The following PADI1 variants were observed in gnomAD, a reference collection of about 807,000 sequenced individuals.
PADI1 encodes the protein peptidyl arginine deiminase 1, also known as protein-arginine deiminase type-1.
PADI1 carries 65 observed loss-of-function variants against 74.8 expected under a neutral mutation model. The observed-to-expected ratio is 0.87, with a 90% confidence interval of 0.71 to 1.07. PADI1 has a LOEUF of 1.07. Among genes scored for constraint, PADI1 ranks in the 50% least tolerant of loss-of-function variants. The probability of loss-of-function intolerance (pLI) is 0.00; values close to 1 mark genes in which losing one functional copy is unlikely to be tolerated. For synonymous variants in PADI1, 371 were observed against 336.2 expected (o/e 1.10, Z -1.13); for missense variants, 943 against 854.0 (o/e 1.10, Z -1.30).
At chr1:17,206,515 G>T (rs985778126) in intron 1 of PADI1, among the ~76,000 whole-genome samples, 1 of 152,120 alleles carries the variant, frequency 6.6e-6, no homozygotes, top group Non-Finnish European at 1.5e-5. Context: ...ATTGTCTCTT[G>T]CCCTGTTAAC....
At chr1:17,215,202 G>T (rs2071942989) in intron 1 of PADI1, among the ~76,000 whole-genome samples, 1 of 152,166 alleles carries the variant, frequency 6.6e-6, no homozygotes, top group African/African-American at 2.4e-5. Context: ...TACTCACAGG[G>T]GAGGGAGACA....
Position 17,225,885 on chromosome 1 carries a change from C to G in PADI1, c.483C>G (p.Ser161=). 6.2e-7 allele frequency: 1 copy of G among 1,613,988 alleles called. No homozygotes were observed. Among genetic ancestry groups the G allele is most frequent in the Non-Finnish European group, 8.5e-7 (1 of 1,179,992 alleles). The change falls in exon 5 of 16, where the codon TCC becomes TCG. Residue 161 remains serine, a synonymous_variant. Coordinates refer to ENST00000375471, the MANE Select transcript of PADI1 (RefSeq NM_013358.3). ...ACTGTGACCGGGACAATCACAGGTCCGCAGAGCCTGACCTCACCCACAGCT... is the reference window on the plus strand; with the variant it reads ...ACTGTGACCGGGACAATCACAGGTCGGCAGAGCCTGACCTCACCCACAGCT... ...LVNCDRDNHR[S]AEPDLTHSWL...
Position 17,213,802 on chromosome 1 carries a change from C to T in PADI1, c.93-8488C>T, listed in dbSNP as rs78353790. On this transcript the variant is annotated intron_variant, in intron 1 of 15. Transcript: ENST00000375471. ...TGAACCTGCACCTTACCACAGGAGGCGGGCAGGGGTGGAGAGTAGTTGGTT... is the reference window on the plus strand; with the variant it reads ...TGAACCTGCACCTTACCACAGGAGGTGGGCAGGGGTGGAGAGTAGTTGGTT... 2.8e-3 allele frequency among the ~76,000 whole-genome samples: 430 copies of T among 152,304 alleles called. 18 individuals carry two copies. The East Asian group carries it at 0.053, about 19-fold the overall frequency.
chr1:17,229,014 C>T lies in PADI1; in HGVS notation c.892C>T (p.Pro298Ser), dbSNP rs756645537. The T allele has an allele frequency of 3.2e-6, 5 of 1,585,940 alleles. No homozygotes were observed. The highest frequency in any genetic ancestry group is 1.1e-5 in the South Asian group (1 of 87,376). Residue 298 changes from proline (P) to serine (S), a missense_variant, in exon 8 of 16, where the codon CCC becomes TCC. Coordinates refer to ENST00000375471, the MANE Select transcript of PADI1 (RefSeq NM_013358.3). The stretch of plus-strand genomic sequence containing the variant: ...CCGCATGGCCCCCTGGATCATGACG[C>T]CCAACACTCAGCCTCCTGAGGAGCT... Reference protein sequence around the residue: ...GFRMAPWIMTPNTQPPEELYV... With the variant: ...GFRMAPWIMTSNTQPPEELYV...
At position 17,205,166 on chromosome 1, in the gene PADI1, C is replaced by T. The variant is rs115760213; in HGVS notation, c.-52C>T. 1.1e-3 allele frequency: 1,613 copies of T among 1,450,438 alleles called. 11 individuals are homozygous for T. In the African/African-American group the frequency reaches 0.018, roughly 16 times the overall value. 89.8% of individuals were successfully genotyped at this position (1,450,438 alleles called of 1,614,324 possible). Reference sequence around the variant, plus strand: ...CTTCCTGGCAAAGAAGTGCCCAGGACGGGAGCTGGGGAGCCAGGGCTGATC... The same window carrying T: ...CTTCCTGGCAAAGAAGTGCCCAGGATGGGAGCTGGGGAGCCAGGGCTGATC... On this transcript the variant is annotated 5_prime_UTR_variant, in exon 1 of 16. It adds an upstream start codon to the 5' untranslated region. Transcript: ENST00000375471.
chr1:17,240,603 G>A (rs373493785), intron 14 of PADI1, 32 bp from the exon 15 acceptor site: 5 of 1,437,570 alleles, frequency 3.5e-6, no homozygotes, highest in Non-Finnish European at 3.8e-6. Flanking sequence ...GCTCTTCCTA[G>A]TCCTGGGCTG....
chr1:17,239,571 C>A, intron 13 of PADI1, 133 bp from the exon 14 acceptor site: 1 of 679,080 alleles, frequency 1.5e-6, no homozygotes, highest in Non-Finnish European at 2.7e-6. Flanking sequence ...CAGTCTCTGG[C>A]TTTCTCTGTC....
At chr1:17,229,154 G>T (rs2072415766) in intron 8 of PADI1, 103 bp downstream of exon 8, 1 of 755,496 alleles carries the variant, frequency 1.3e-6, no homozygotes, top group South Asian at 1.7e-5. Flanking sequence ...CGGATTCATT[G>T]CGGGCACCCA....
rs3763581 is a variant in PADI1 at position 17,237,268 on chromosome 1, G to A, written c.1314-46G>A. ...GATGATGACTCAGGCAAGGCCTGAT[G>A]CCTCTCAGGCACAAGGTGACTGCCC... is the stretch of plus-strand genomic sequence containing the variant. On this transcript the variant is annotated intron_variant, in intron 11 of 15. Coordinates refer to ENST00000375471, the MANE Select transcript of PADI1 (RefSeq NM_013358.3). 4.3e-5 allele frequency: 66 copies of A among 1,551,466 alleles called. 1 individual carries two copies. In the East Asian group the frequency reaches 1.5e-3, roughly 35 times the overall value.
At position 17,230,129 on chromosome 1, in the gene PADI1, T is replaced by C; in HGVS notation, c.974T>C (p.Met325Thr). ...TCCAATGAGAAATTCCTGGAGGACA[T>C]GTCTTATCTGACATTGAAAGCCAAC... Reference protein sequence around the residue: ...HGSNEKFLEDMSYLTLKANCK... With the variant: ...HGSNEKFLEDTSYLTLKANCK... The change falls in exon 9 of 16, where the codon ATG becomes ACG. Residue 325 changes from methionine to threonine, a missense_variant. Coordinates refer to ENST00000375471, the MANE Select transcript of PADI1 (RefSeq NM_013358.3). 1 of 1,614,084 alleles carries C rather than the reference T, an allele frequency of 6.2e-7. No individual in the cohort carries two copies. Among genetic ancestry groups the C allele is most frequent in the Non-Finnish European group, 8.5e-7 (1 of 1,179,924 alleles).
rs1401317730 is a variant in PADI1, at chr1:17,239,827, T to C, written c.1632+44T>C. 32 of 1,483,590 alleles carry C rather than the reference T, an allele frequency of 2.2e-5. No individual in the cohort carries two copies. The East Asian group carries it at 7.1e-4, about 33-fold the overall frequency. The allele number at this position is 1,483,590 out of a possible 1,614,324, so 91.9% of individuals were successfully genotyped here. Reference sequence around the variant, plus strand: ...AGCTGCTCTAAGGGGTCCTTTCCCTTCCAGGGAGAAGAAGCCCCAGGAACT... The same window carrying C: ...AGCTGCTCTAAGGGGTCCTTTCCCTCCCAGGGAGAAGAAGCCCCAGGAACT... On this transcript the variant is annotated intron_variant, in intron 14 of 15. Coordinates refer to ENST00000375471, the MANE Select transcript of PADI1 (RefSeq NM_013358.3).
rs140569145 is a variant in PADI1, at chr1:17,211,224, T to G, written c.92+5915T>G. Among the ~76,000 whole-genome samples, 239 of 111,826 alleles carry G rather than the reference T, an allele frequency of 2.1e-3. 2 individuals carry two copies. The highest frequency in any genetic ancestry group is 2.9e-3 in the Non-Finnish European group (142 of 49,602). The allele number at this position is 111,826 out of a possible 152,430, so 73.4% of individuals were successfully genotyped here. A position where few individuals can be genotyped will look rare whatever the true frequency, so the allele number is the denominator to read the frequency against. On this transcript the variant is annotated intron_variant, in intron 1 of 15. Transcript: ENST00000375471. The stretch of plus-strand genomic sequence containing the variant: ...GTTTTTTGTTTTTGTTTTTGTTTTT[T>G]TTTGAGACGGAGTCTTGCTCTGTCA...
intron 1 of PADI1, among the ~76,000 whole-genome samples, chr1:17,214,429 A>T (rs1295795321): frequency 6.6e-6 from 1 of 152,170 alleles, no homozygotes; most frequent in African/African-American, 2.4e-5. Flanking sequence ...CCATGATGAT[A>T]TAACAGTGAT....
At chr1:17,212,600 C>T (rs2977280) in intron 1 of PADI1, among the ~76,000 whole-genome samples, 1 of 152,000 alleles carries the variant, frequency 6.6e-6, no homozygotes, top group African/African-American at 2.4e-5. Context: ...CGGTGGAGCC[C>T]CAGTGGGCCG....
In PADI1 at chr1:17,226,446, C is replaced by T. The variant is rs562103221; in HGVS notation, c.652+288C>T. On this transcript the variant is annotated intron_variant, in intron 6 of 15. Transcript: ENST00000375471. ...GTGTCTTGGGTGCACCAAAGCTCCT[C>T]CTTTTACCATTGCCCCACACCCGTT... 6.6e-5 allele frequency among the ~76,000 whole-genome samples: 10 copies of T among 152,310 alleles called. No homozygotes were observed. In the South Asian group the frequency reaches 1.7e-3, roughly 25 times the overall value.
Position 17,224,442 on chromosome 1 carries a change from G to T in PADI1, c.408+14G>T, listed in dbSNP as rs375689158. 8 of 1,609,144 alleles carry T rather than the reference G, an allele frequency of 5.0e-6. No homozygotes were observed. The highest frequency in any genetic ancestry group is 5.1e-6 in the Non-Finnish European group (6 of 1,176,662). On this transcript the variant is annotated intron_variant, in intron 4 of 15. Transcript: ENST00000375471. Reference sequence around the variant, plus strand: ...CAAGGGGACAAGGTGAGACCCTTCCGGGCACCCCAAGGCTGCGGGGTTGAA... The same window carrying T: ...CAAGGGGACAAGGTGAGACCCTTCCTGGCACCCCAAGGCTGCGGGGTTGAA...
intron 11 of PADI1, among the ~76,000 whole-genome samples, chr1:17,235,293 G>GGAAGGAGGGAAGAAAGGAAGGAAGGAA (rs1557479110): frequency 1.6e-5 from 1 of 62,824 alleles, no homozygotes; most frequent in African/African-American, 5.9e-5. Flanking sequence ...GAAGGAAGGA[G>GGAAGGAGGGAAGAAAGGAAGGAAGGAA]GGAAGGAAGG....
chr1:17,239,554 G>T, intron 13 of PADI1, 150 bp from the exon 14 acceptor site: 1 of 638,446 alleles, frequency 1.6e-6, no homozygotes, highest in Non-Finnish European at 2.9e-6. Flanking sequence ...GTCCCTTCAG[G>T]GGTTCTCAGT....
At chr1:17,212,778 A>AT (rs2071867164) in intron 1 of PADI1, among the ~76,000 whole-genome samples, 1 of 152,180 alleles carries the variant, frequency 6.6e-6, no homozygotes, top group African/African-American at 2.4e-5. Context: ...GGCCTATGCT[A>AT]TGCAAGATGC....
Sources: gnomAD v4.1 joint callset for allele counts (sites outside exome capture counted in the v4.1 genomes callset) on GRCh38, gnomAD v4.1.1 for gene constraint, MANE v1.5 for transcripts, NCBI Gene and HGNC (gene_info 2026-07-23, HGNC 2026-07-21) for gene names.